PDZD2: variants seen among roughly 807,000 people sequenced by gnomAD.
The protein encoded by PDZD2 is PDZ domain containing 2.
Under a neutral mutation model 220.7 loss-of-function variants are expected in PDZD2, and 90 were observed. The ratio of observed to expected loss-of-function variants is 0.41; its 90% CI spans 0.34 to 0.49. The LOEUF is 0.49. PDZD2 is among the 20% of genes least tolerant of loss of function. The pLI is 0.28. For missense variants in PDZD2, 3,174 were observed against 3,608.5 expected, an observed-to-expected ratio of 0.88 and a Z score of 3.08; for synonymous variants, 1,375 against 1,450.5, an observed-to-expected ratio of 0.95 and a Z score of 1.18.
intron 2 of PDZD2, among the ~76,000 whole-genome samples, chr5:31,903,276 A>T (rs972652235): frequency 6.6e-6 from 1 of 152,148 alleles, no homozygotes; most frequent in African/African-American, 2.4e-5. Context: ...CCTGGGCAAC[A>T]AAGTGAGACT....
chr5:32,051,994 C>T (rs1369259784), intron 8 of PDZD2, among the ~76,000 whole-genome samples: 5 of 152,320 alleles, frequency 3.3e-5, no homozygotes, highest in Middle Eastern at 3.4e-3. Flanking sequence ...TCCTGTATCA[C>T]TGAGGCCTCT....
intron 2 of PDZD2, among the ~76,000 whole-genome samples, chr5:31,956,471 C>T (rs1410697340): frequency 3.5e-5 from 5 of 142,692 alleles, no homozygotes; most frequent in Non-Finnish European, 4.5e-5. Context: ...GGCGTGAACC[C>T]GGGAGACAGA....
At chr5:31,851,602 A>C (rs1023182165) in intron 2 of PDZD2, among the ~76,000 whole-genome samples, 2 of 152,224 alleles carry the variant, frequency 1.3e-5, no homozygotes, top group African/African-American at 4.8e-5. Flanking sequence ...GTTCCCACTC[A>C]AATTAATGTT....
At chr5:31,707,165 AG>A (rs1747865958) in intron 1 of PDZD2, among the ~76,000 whole-genome samples, 1 of 30,236 alleles carries the variant, frequency 3.3e-5, no homozygotes, top group Non-Finnish European at 6.0e-5. Flanking sequence ...GGGTGGGGGG[AG>A]GGGGGAGGGA....
chr5:32,091,780 T>C (rs1031437159), intron 20 of PDZD2, among the ~76,000 whole-genome samples: 1 of 152,160 alleles, frequency 6.6e-6, no homozygotes, highest in African/African-American at 2.4e-5. Context: ...GTTTTTAATA[T>C]CACTGCTGGA....
chr5:31,799,780 C>T lies in PDZD2; in HGVS notation c.476+56C>T, dbSNP rs987507255. The T allele has an allele frequency of 5.2e-5, 59 of 1,143,244 alleles. No individual in the cohort carries two copies. The East Asian group carries it at 1.4e-3, about 27-fold the overall frequency. 70.8% of individuals were successfully genotyped at this position (1,143,244 alleles called of 1,614,324 possible). A position where few individuals can be genotyped will look rare whatever the true frequency, so the allele number is the denominator to read the frequency against. On this transcript the variant is annotated intron_variant, in intron 2 of 24. Transcript: ENST00000438447. The stretch of plus-strand genomic sequence containing the variant: ...GGCTGGACACGGGAACCTGGTGGTT[C>T]CCAGATCTGCAGCTGCAGAGGTTTA...
At chr5:31,764,061 C>T (rs1346793590) in intron 1 of PDZD2, among the ~76,000 whole-genome samples, 1 of 152,120 alleles carries the variant, frequency 6.6e-6, no homozygotes, top group East Asian at 1.9e-4. Context: ...GCACCTGCTG[C>T]CCGTCACGGA....
At chr5:31,721,354 C>T (rs866899900) in intron 1 of PDZD2, among the ~76,000 whole-genome samples, 4 of 152,258 alleles carry the variant, frequency 2.6e-5, no homozygotes, top group African/African-American at 9.6e-5. Context: ...AGGCCCTCCC[C>T]TCATAGGGCT....
chr5:31,900,456 G>C (rs1437983002), intron 2 of PDZD2, among the ~76,000 whole-genome samples: 1 of 152,260 alleles, frequency 6.6e-6, no homozygotes, highest in East Asian at 1.9e-4. Context: ...GGGACTTCGG[G>C]CCTGGAACAA....
intron 1 of PDZD2, among the ~76,000 whole-genome samples, chr5:31,744,690 G>A (rs973461639): frequency 6.6e-6 from 1 of 152,146 alleles, no homozygotes; most frequent in African/African-American, 2.4e-5. Context: ...TTGAGTCCAA[G>A]GATATAGTCA....
At chr5:32,054,008 T>A in intron 10 of PDZD2, 125 bp downstream of exon 10, 1 of 642,534 alleles carries the variant, frequency 1.6e-6, no homozygotes, top group South Asian at 1.8e-5. Flanking sequence ...CCTGGCATAG[T>A]CAGTGTAACC....
chr5:31,871,206 G>A (rs1738760983), intron 2 of PDZD2, among the ~76,000 whole-genome samples: 1 of 152,026 alleles, frequency 6.6e-6, no homozygotes. Context: ...TTGTAAATGG[G>A]ATATTTGCAT....
At chr5:31,670,529 G>A (rs2150117701) in intron 1 of PDZD2, among the ~76,000 whole-genome samples, 1 of 152,224 alleles carries the variant, frequency 6.6e-6, no homozygotes, top group South Asian at 2.1e-4. Flanking sequence ...CGATGCTCCT[G>A]CCTCAGCCTC....
At chr5:31,855,187 A>G (rs950170567) in intron 2 of PDZD2, 21 of 868,718 alleles carry the variant, frequency 2.4e-5, no homozygotes, top group Non-Finnish European at 2.6e-5. Flanking sequence ...TCGGCTTCTC[A>G]GGCGAAAGCC....
chr5:31,909,049 CA>C, intron 2 of PDZD2: 1 of 200,786 alleles, frequency 5.0e-6, no homozygotes. Context: ...TCAAAACAAA[CA>C]AAAAGCTACC....
intron 1 of PDZD2, among the ~76,000 whole-genome samples, chr5:31,679,533 A>G (rs1052124167): frequency 2.0e-5 from 3 of 152,130 alleles, no homozygotes; most frequent in African/African-American, 7.2e-5. Flanking sequence ...TTTTCGAGAC[A>G]GGGTCTTGCT....
At chr5:31,763,571 G>C (rs190105756) in intron 1 of PDZD2, among the ~76,000 whole-genome samples, 2 of 152,302 alleles carry the variant, frequency 1.3e-5, no homozygotes, top group East Asian at 3.9e-4. Flanking sequence ...ATTTGAAGTT[G>C]AGAACGTGGA....
intron 2 of PDZD2, among the ~76,000 whole-genome samples, chr5:31,961,712 TC>T (rs1278393422): frequency 1.3e-5 from 2 of 152,196 alleles, no homozygotes; most frequent in African/African-American, 4.8e-5. Context: ...TGGCGCAATC[TC>T]GGCTCACTGC....
rs545923936 is a variant in PDZD2, at chr5:31,751,242, CAA to C, written c.-360-47633_-360-47632del. On this transcript the variant is annotated intron_variant, in intron 1 of 24. Transcript: ENST00000438447. Reference sequence around the variant, plus strand: ...GGTGACAAGAGCGAAAGTACATCTCCAAAAAAAAAAAAAAAGAGAGTGGCATG... The same window carrying C: ...GGTGACAAGAGCGAAAGTACATCTCCAAAAAAAAAAAAAGAGAGTGGCATG... 3.3e-3 allele frequency among the ~76,000 whole-genome samples: 434 copies of C among 131,546 alleles called. 5 individuals are homozygous for C. Among genetic ancestry groups the C allele is most frequent in the African/African-American group, 0.01 (370 of 35,466 alleles). The allele number at this position is 131,546 out of a possible 152,430, so 86.3% of individuals were successfully genotyped here. A position where few individuals can be genotyped will look rare whatever the true frequency, so the allele number is the denominator to read the frequency against.
Sources: allele counts gnomAD v4.1 joint callset (sites outside exome capture counted in the v4.1 genomes callset), GRCh38; gene constraint gnomAD v4.1.1; transcripts MANE v1.5; gene names NCBI Gene and HGNC (gene_info 2026-07-23, HGNC 2026-07-21).